Variants in PSMA1 observed in about 807,000 individuals in gnomAD.
PSMA1 encodes the protein proteasome subunit alpha type-1.
A neutral mutation model predicts 38.4 loss-of-function variants in PSMA1; 3 were observed. The observed-to-expected ratio is 0.08, with a 90% confidence interval of 0.04 to 0.20. PSMA1 has a LOEUF of 0.20. Ranked by LOEUF, PSMA1 falls within the 10% of genes least tolerant of loss-of-function variation. PSMA1 has a pLI of 1.00. For missense variants in PSMA1, 227 were observed against 325.3 expected (o/e 0.70, Z 2.32); for synonymous variants, 101 against 107.1 (o/e 0.94, Z 0.35).
intron 2 of PSMA1, among the ~76,000 whole-genome samples, chr11:14,586,846 T>G (rs1852351961): frequency 6.6e-6 from 1 of 151,968 alleles, no homozygotes; most frequent in African/African-American, 2.4e-5. Context: ...CTGAAACCTC[T>G]GCTTTCCAGA....
chr11:14,505,112 A>G lies in PSMA1; in HGVS notation c.*80T>C. ...TCCACCACTCTGCAACTTTTGGTTCAAAGTATAGATTATTGTCATCAGTAT... is the reference window on the plus strand; with the variant it reads ...TCCACCACTCTGCAACTTTTGGTTCGAAGTATAGATTATTGTCATCAGTAT... On this transcript the variant is annotated 3_prime_UTR_variant, in exon 10 of 10. Coordinates refer to ENST00000396394, the MANE Select transcript of PSMA1 (RefSeq NM_002786.4). The G allele has an allele frequency of 1.5e-6, 2 of 1,350,804 alleles. No homozygotes were observed. The highest frequency in any genetic ancestry group is 1.4e-5 in the African/African-American group (1 of 69,700). The allele number at this position is 1,350,804 out of a possible 1,614,324, so 83.7% of individuals were successfully genotyped here.
intron 2 of PSMA1, among the ~76,000 whole-genome samples, chr11:14,566,093 GA>G (rs1276572840): frequency 6.6e-6 from 1 of 152,222 alleles, no homozygotes; most frequent in African/African-American, 2.4e-5. Flanking sequence ...GTGAGCAAGG[GA>G]AAGTGGTAAA....
chr11:14,573,785 T>A (rs1037242673), intron 2 of PSMA1, among the ~76,000 whole-genome samples: 27 of 152,238 alleles, frequency 1.8e-4, no homozygotes, highest in Non-Finnish European at 3.7e-4. Context: ...GCCCAAAATC[T>A]CCTTAAGCTG....
At chr11:14,623,862 T>C (rs898474528) in intron 1 of PSMA1, among the ~76,000 whole-genome samples, 6 of 152,198 alleles carry the variant, frequency 3.9e-5, no homozygotes, top group Admixed American at 3.3e-4. Context: ...GTTATATCAC[T>C]ATTTATTAAT....
chr11:14,592,486 C>G (rs1442345890), intron 2 of PSMA1, among the ~76,000 whole-genome samples: 1 of 151,934 alleles, frequency 6.6e-6, no homozygotes, highest in African/African-American at 2.4e-5. Context: ...CCTGGTTTCA[C>G]GCCATTCTCC....
At chr11:14,626,270 A>C (rs904385746) in intron 1 of PSMA1, among the ~76,000 whole-genome samples, 2 of 152,172 alleles carry the variant, frequency 1.3e-5, no homozygotes, top group Non-Finnish European at 2.9e-5. Flanking sequence ...TGTGCCCTGA[A>C]GGAGCAAAAG....
chr11:14,514,447 T>C lies in PSMA1; in HGVS notation c.299A>G (p.Asp100Gly). ...AAGACGAGACACAGGCAGTGGTCTA[T>C]CGAATACAAATCTGGAATCCAAACA... The part of the protein sequence containing the change: ...QECLDSRFVF[D>G]RPLPVSRLVS... Residue 100 changes from aspartate to glycine, a missense_variant, in exon 5 of 10, where the codon GAT becomes GGT. Coordinates refer to ENST00000396394, the MANE Select transcript of PSMA1 (RefSeq NM_002786.4). 1 of 1,606,982 alleles carries C rather than the reference T, an allele frequency of 6.2e-7. No homozygotes were observed. Among genetic ancestry groups the C allele is most frequent in the Non-Finnish European group, 8.5e-7 (1 of 1,177,050 alleles).
At chr11:14,555,023 T>C (rs756340422) in intron 2 of PSMA1, among the ~76,000 whole-genome samples, 1 of 152,224 alleles carries the variant, frequency 6.6e-6, no homozygotes, top group Non-Finnish European at 1.5e-5. Flanking sequence ...TTCACCTATG[T>C]TGAGAGACAT....
intron 2 of PSMA1, among the ~76,000 whole-genome samples, chr11:14,585,518 T>A (rs1164055052): frequency 6.6e-6 from 1 of 152,180 alleles, no homozygotes. Context: ...TTTTAAGAAC[T>A]TCAGAGAACC....
intron 2 of PSMA1, among the ~76,000 whole-genome samples, chr11:14,556,770 A>C (rs1233609493): frequency 6.6e-6 from 1 of 152,212 alleles, no homozygotes; most frequent in Non-Finnish European, 1.5e-5. Flanking sequence ...TTGCCTATAG[A>C]CATCCAGTTG....
intron 2 of PSMA1, among the ~76,000 whole-genome samples, chr11:14,547,812 G>C (rs1197771217): frequency 1.3e-5 from 2 of 152,172 alleles, no homozygotes; most frequent in Non-Finnish European, 2.9e-5. Flanking sequence ...GAGCAGACAC[G>C]ATGCTTGCTT....
intron 2 of PSMA1, among the ~76,000 whole-genome samples, chr11:14,575,504 GC>G: frequency 6.6e-6 from 1 of 151,758 alleles, no homozygotes; most frequent in South Asian, 2.1e-4. Flanking sequence ...GTTAGAACAT[GC>G]GGTGTTTGGT....
chr11:14,538,723 GGA>G (rs1266648403), intron 2 of PSMA1, among the ~76,000 whole-genome samples: 7 of 152,358 alleles, frequency 4.6e-5, no homozygotes, highest in Middle Eastern at 3.4e-3. Context: ...CGTTTGGAAG[GGA>G]GTGTGTGTGG....
chr11:14,518,824 C>T lies in PSMA1; in HGVS notation c.48+173G>A, dbSNP rs182636686. Among the ~76,000 whole-genome samples, 314 of 152,264 alleles carry T rather than the reference C, an allele frequency of 2.1e-3. 3 individuals carry two copies. Among genetic ancestry groups the T allele is most frequent in the African/African-American group, 7.2e-3 (301 of 41,544 alleles). On this transcript the variant is annotated intron_variant, in intron 2 of 9. Transcript: ENST00000396394. Reference sequence around the variant, plus strand: ...TCTGTTTCTGGCTTATTTCACTTAACATAATGTCCTCTAGGTCCATCAGGA... The same window carrying T: ...TCTGTTTCTGGCTTATTTCACTTAATATAATGTCCTCTAGGTCCATCAGGA...
At chr11:14,613,760 G>C (rs1262043436) in intron 1 of PSMA1, among the ~76,000 whole-genome samples, 1 of 152,172 alleles carries the variant, frequency 6.6e-6, no homozygotes, top group Non-Finnish European at 1.5e-5. Flanking sequence ...TTTTAAGTAA[G>C]GTGGTTGAGG....
At position 14,553,007 on chromosome 11, in the gene PSMA1, T is replaced by A. The variant is rs1379200679; in HGVS notation, c.22-33966A>T. On this transcript the variant is annotated intron_variant, in intron 2 of 10. Transcript: ENST00000418988. ...CACCCAGCTAACTTTTTACTTTTTG[T>A]AGAGATGAGTTCTTCCAATGTTGCC... is the stretch of plus-strand genomic sequence containing the variant. 2.0e-5 allele frequency among the ~76,000 whole-genome samples: 3 copies of A among 152,068 alleles called. No individual in the cohort carries two copies. The East Asian group carries it at 5.8e-4, about 29-fold the overall frequency.
chr11:14,628,472 C>A (rs960257375), intron 1 of PSMA1, among the ~76,000 whole-genome samples: 4 of 150,574 alleles, frequency 2.7e-5, no homozygotes, highest in African/African-American at 9.8e-5. Flanking sequence ...CAATTTCATC[C>A]ATGTCCCTAC....
chr11:14,636,797 A>G (rs1853117747), intron 1 of PSMA1, among the ~76,000 whole-genome samples: 2 of 152,216 alleles, frequency 1.3e-5, no homozygotes. Flanking sequence ...CCTTTTCTGC[A>G]CATTCCAATT....
intron 8 of PSMA1, among the ~76,000 whole-genome samples, chr11:14,508,592 GTAAA>G (rs1447762513): frequency 4.0e-5 from 2 of 49,480 alleles, no homozygotes; most frequent in Non-Finnish European, 8.8e-5. Context: ...GATTGTAGGG[GTAAA>G]TAGATAGTGG....
Sources: gnomAD v4.1 joint callset for allele counts (sites outside exome capture counted in the v4.1 genomes callset) on GRCh38, gnomAD v4.1.1 for gene constraint, MANE v1.5 for transcripts, NCBI Gene and HGNC (gene_info 2026-07-23, HGNC 2026-07-21) for gene names.